Variants in SH3RF3 observed in about 807,000 individuals in gnomAD.
SH3RF3 encodes SH3 domain containing ring finger 3.
A neutral mutation model predicts 66.3 loss-of-function variants in SH3RF3; 29 were observed. The observed-to-expected ratio is 0.44, with a 90% CI of 0.33 to 0.60. The LOEUF (loss-of-function observed/expected upper bound fraction) is 0.60, where lower values mean the gene tolerates loss of function less well. Among genes scored for constraint, SH3RF3 ranks in the 20% least tolerant of loss-of-function variants. The probability of loss-of-function intolerance (pLI) is 0.04; values close to 1 mark genes in which losing one functional copy is unlikely to be tolerated. For missense variants in SH3RF3, 1,194 were observed against 1,190.9 expected (o/e 1.00, Z -0.04); for synonymous variants, 583 against 532.0 (o/e 1.10, Z -1.32).
chr2:109,473,675 G>A (rs1228078180), intron 8 of SH3RF3, among the ~76,000 whole-genome samples: 1 of 152,244 alleles, frequency 6.6e-6, no homozygotes, highest in East Asian at 1.9e-4. Flanking sequence ...GAGGGAGGAA[G>A]CAGCGTGCCA....
intron 3 of SH3RF3, among the ~76,000 whole-genome samples, chr2:109,385,061 T>C (rs1675789685): frequency 6.6e-6 from 1 of 152,238 alleles, no homozygotes; most frequent in Non-Finnish European, 1.5e-5. Context: ...CCCGGCATGC[T>C]GGCCTTCCTC....
intron 8 of SH3RF3, among the ~76,000 whole-genome samples, chr2:109,481,130 C>T (rs952612980): frequency 6.6e-6 from 1 of 152,150 alleles, no homozygotes. Context: ...GGAGAAGAAA[C>T]CCTAAGACGT....
At chr2:109,375,024 C>T (rs1191133195) in intron 3 of SH3RF3, among the ~76,000 whole-genome samples, 1 of 152,234 alleles carries the variant, frequency 6.6e-6, no homozygotes, top group Non-Finnish European at 1.5e-5. Flanking sequence ...CCTTGCACTG[C>T]TTCAGCTGCT....
chr2:109,498,919 C>A (rs2104410046), intron 9 of SH3RF3, among the ~76,000 whole-genome samples: 1 of 152,298 alleles, frequency 6.6e-6, no homozygotes, highest in Non-Finnish European at 1.5e-5. Flanking sequence ...GAGGTGGGTG[C>A]ACCTGGGGTC....
intron 1 of SH3RF3, among the ~76,000 whole-genome samples, chr2:109,212,910 G>A (rs1476711862): frequency 1.3e-5 from 2 of 152,210 alleles, no homozygotes; most frequent in East Asian, 3.9e-4. Flanking sequence ...TGGAACTTCT[G>A]TTGGGTGGGG....
intron 4 of SH3RF3, among the ~76,000 whole-genome samples, chr2:109,416,812 G>A (rs1055715108): frequency 1.3e-5 from 2 of 151,788 alleles, no homozygotes; most frequent in Non-Finnish European, 2.9e-5. Flanking sequence ...AGGCTAAGTC[G>A]GGAGAATCGC....
chr2:109,498,957 G>T (rs938446013), intron 9 of SH3RF3, among the ~76,000 whole-genome samples: 2 of 152,222 alleles, frequency 1.3e-5, no homozygotes, highest in Non-Finnish European at 2.9e-5. Flanking sequence ...CAGAGCTGGT[G>T]GAGTGGGAAG....
intron 8 of SH3RF3, among the ~76,000 whole-genome samples, chr2:109,489,884 A>T (rs563545035): frequency 1.2e-4 from 19 of 152,258 alleles, no homozygotes; most frequent in South Asian, 4.1e-4. Context: ...ATTACAGGCA[A>T]GTGCCACCAC....
chr2:109,357,563 G>A lies in SH3RF3; in HGVS notation c.849+9614G>A, dbSNP rs527810464. ...TGACAGTTACCAGCCCGCCCTTCCC[G>A]CATGTCTACTAACACTACAGATGAG... is the stretch of plus-strand genomic sequence containing the variant. On this transcript the variant is annotated intron_variant, in intron 2 of 9. Transcript: ENST00000309415. 6.6e-5 allele frequency among the ~76,000 whole-genome samples: 10 copies of A among 152,212 alleles called. No individual in the cohort carries two copies. In the East Asian group the frequency reaches 1.5e-3, roughly 24 times the overall value.
At chr2:109,453,328 A>T (rs1677941384) in intron 8 of SH3RF3, among the ~76,000 whole-genome samples, 1 of 150,496 alleles carries the variant, frequency 6.6e-6, no homozygotes, top group African/African-American at 2.5e-5. Context: ...TAGAACTCAA[A>T]TCTGGTTTTA....
chr2:109,167,611 A>C (rs1677660372), intron 1 of SH3RF3, among the ~76,000 whole-genome samples: 1 of 152,108 alleles, frequency 6.6e-6, no homozygotes, highest in African/African-American at 2.4e-5. Context: ...TTGCTCTGTC[A>C]CCCAGGCTGG....
intron 8 of SH3RF3, among the ~76,000 whole-genome samples, chr2:109,472,238 C>G (rs1407552116): frequency 6.6e-6 from 1 of 152,126 alleles, no homozygotes; most frequent in African/African-American, 2.4e-5. Context: ...GGCACTTATT[C>G]AGGGAGGTGC....
chr2:109,457,992 C>T (rs915617865), intron 8 of SH3RF3, among the ~76,000 whole-genome samples: 3 of 152,166 alleles, frequency 2.0e-5, no homozygotes, highest in African/African-American at 7.2e-5. Flanking sequence ...ACAGAGAGTG[C>T]TGGGTTCGGC....
chr2:109,132,151 TTAAC>T (rs1226993729), intron 1 of SH3RF3, among the ~76,000 whole-genome samples: 1 of 152,232 alleles, frequency 6.6e-6, no homozygotes, highest in African/African-American at 2.4e-5. Flanking sequence ...GGGCACTTAT[TTAAC>T]TAATATGCCA....
chr2:109,274,170 A>G (rs981935501), intron 1 of SH3RF3, among the ~76,000 whole-genome samples: 1 of 152,252 alleles, frequency 6.6e-6, no homozygotes, highest in African/African-American at 2.4e-5. Context: ...TGGATTTCTT[A>G]GAAAGTTAAA....
intron 8 of SH3RF3, among the ~76,000 whole-genome samples, chr2:109,453,102 G>A (rs1056636812): frequency 3.3e-5 from 5 of 152,212 alleles, no homozygotes; most frequent in Admixed American, 1.3e-4. Flanking sequence ...TGGTGTGCAG[G>A]CCTCTGGGGA....
chr2:109,454,302 C>CGCCTCA (rs1310832176), intron 8 of SH3RF3, among the ~76,000 whole-genome samples: 1 of 152,204 alleles, frequency 6.6e-6, no homozygotes, highest in Non-Finnish European at 1.5e-5. Context: ...CTTCAGAAAG[C>CGCCTCA]GCCTCAGCTG....
At chr2:109,151,240 C>T (rs72944084) in intron 1 of SH3RF3, among the ~76,000 whole-genome samples, 2,181 of 152,202 alleles carry the variant, frequency 0.014, 49 homozygotes, top group African/African-American at 0.05. Flanking sequence ...TCTTCTTGTC[C>T]GAGGCTTTTT....
chr2:109,448,758 C>T (rs1677779626), intron 7 of SH3RF3, among the ~76,000 whole-genome samples: 1 of 152,192 alleles, frequency 6.6e-6, no homozygotes, highest in Non-Finnish European at 1.5e-5. Flanking sequence ...GCACTTGAAT[C>T]ATCCCGAAAC....
Sources: gnomAD v4.1 joint callset for allele counts (sites outside exome capture counted in the v4.1 genomes callset) on GRCh38, gnomAD v4.1.1 for gene constraint, MANE v1.5 for transcripts, NCBI Gene and HGNC (gene_info 2026-07-23, HGNC 2026-07-21) for gene names.